SRFBP1: variants seen among roughly 807,000 people sequenced by gnomAD.
SRFBP1 encodes the protein serum response factor binding protein 1.
Under a neutral mutation model 45.5 loss-of-function variants are expected in SRFBP1, and 47 were observed. The ratio of observed to expected loss-of-function variants is 1.03; its 90% CI spans 0.82 to 1.32. The LOEUF is 1.32. SRFBP1 is among the 40% of genes most tolerant of loss of function. The probability of loss-of-function intolerance (pLI) is 0.00; values close to 1 mark genes in which losing one functional copy is unlikely to be tolerated. For synonymous variants in SRFBP1, 203 were observed against 166.3 expected (o/e 1.22, Z -1.70); for missense variants, 621 against 484.6 (o/e 1.28, Z -2.64).
intron 4 of SRFBP1, among the ~76,000 whole-genome samples, chr5:122,008,037 G>A (rs1396948456): frequency 2.0e-5 from 3 of 152,186 alleles, no homozygotes; most frequent in Non-Finnish European, 4.4e-5. Context: ...GTAGGATCCT[G>A]CCTGGTGCCA....
intron 3 of SRFBP1, among the ~76,000 whole-genome samples, chr5:121,978,896 T>TTCTGCCTGCTACCTCTTACTTC (rs1752356321): frequency 6.6e-6 from 1 of 152,224 alleles, no homozygotes; most frequent in Non-Finnish European, 1.5e-5. Flanking sequence ...TGAGACCTTG[T>TTCTGCCTGCTACCTCTTACTTC]TCTGCCTGCT....
intron 2 of SRFBP1, among the ~76,000 whole-genome samples, chr5:122,048,592 A>T (rs540565002): frequency 1.3e-5 from 2 of 151,984 alleles, no homozygotes; most frequent in Admixed American, 1.3e-4. Context: ...CTCTTTTTCT[A>T]TTGATTGGGA....
chr5:121,975,439 T>A (rs749661140), intron 3 of SRFBP1, 52 bp downstream of exon 3: 1 of 1,598,750 alleles, frequency 6.3e-7, no homozygotes, highest in East Asian at 2.2e-5. Context: ...TATCCTGTTA[T>A]CCTGCATTTT....
At position 122,027,202 on chromosome 5, in the gene SRFBP1, C is replaced by A; in HGVS notation, c.*76C>A. The stretch of plus-strand genomic sequence containing the variant: ...TTAAGACAGGATCTCATTCTGTTGC[C>A]CAGACTAGAGTACAATATTGCAATC... On this transcript the variant is annotated 3_prime_UTR_variant, in exon 8 of 8. Transcript: ENST00000339397. 8.2e-7 allele frequency: 1 copy of A among 1,221,924 alleles called. No homozygotes were observed. The highest frequency in any genetic ancestry group is 1.1e-6 in the Non-Finnish European group (1 of 875,608). The allele number at this position is 1,221,924 out of a possible 1,614,324, so 75.7% of individuals were successfully genotyped here. A position where few individuals can be genotyped will look rare whatever the true frequency, so the allele number is the denominator to read the frequency against.
At chr5:122,019,725 A>G (rs561265243) in intron 5 of SRFBP1, among the ~76,000 whole-genome samples, 66 of 151,582 alleles carry the variant, frequency 4.4e-4, no homozygotes, top group Non-Finnish European at 8.3e-4. Flanking sequence ...GTCACATGAT[A>G]CTGAATTTTA....
intron 2 of SRFBP1, among the ~76,000 whole-genome samples, chr5:122,051,718 C>T (rs779396971): frequency 1.3e-5 from 2 of 151,942 alleles, no homozygotes; most frequent in Non-Finnish European, 2.9e-5. Context: ...CTTGCCACTC[C>T]ATGCCTTTTA....
At chr5:122,057,538 G>A (rs1157164928) in intron 2 of SRFBP1, among the ~76,000 whole-genome samples, 1 of 151,030 alleles carries the variant, frequency 6.6e-6, no homozygotes, top group African/African-American at 2.4e-5. Flanking sequence ...TTTTGCCCAG[G>A]CTGGTCTCAA....
chr5:122,067,194 A>T (rs906162712), intron 2 of SRFBP1, among the ~76,000 whole-genome samples: 9 of 152,178 alleles, frequency 5.9e-5, no homozygotes, highest in African/African-American at 2.2e-4. Context: ...AAAGCTAATC[A>T]ATCAAATATT....
At chr5:121,994,500 G>A in intron 3 of SRFBP1, 99 bp from the exon 4 acceptor site, 3 of 719,206 alleles carry the variant, frequency 4.2e-6, no homozygotes, top group South Asian at 1.9e-5. Context: ...AAATTAAGAT[G>A]TTATTTAATA....
At chr5:121,987,145 C>T (rs755258918) in intron 3 of SRFBP1, among the ~76,000 whole-genome samples, 4 of 151,912 alleles carry the variant, frequency 2.6e-5, no homozygotes, top group African/African-American at 9.7e-5. Context: ...AAGTCTTGAA[C>T]GTAGGAGTAG....
chr5:121,988,525 T>C (rs568379733), intron 3 of SRFBP1, among the ~76,000 whole-genome samples: 8 of 152,338 alleles, frequency 5.3e-5, no homozygotes, highest in Admixed American at 5.2e-4. Context: ...TATGGCCACA[T>C]TCCCATCATA....
At chr5:122,004,812 T>C (rs1333681226) in intron 4 of SRFBP1, among the ~76,000 whole-genome samples, 2 of 152,188 alleles carry the variant, frequency 1.3e-5, no homozygotes, top group Non-Finnish European at 2.9e-5. Context: ...AGAACTGTTT[T>C]TGCTGTGTCC....
rs538073049 is a variant in SRFBP1 at position 122,014,360 on chromosome 5, G to T, written c.271-4900G>T. ...ATACCCTGTAGACCCAAACTTTTAT[G>T]TTCTCCTTTGACTCACTGCTGCTAC... On this transcript the variant is annotated intron_variant, in intron 4 of 7. Coordinates refer to ENST00000339397, the MANE Select transcript of SRFBP1 (RefSeq NM_152546.3). 3.7e-4 allele frequency among the ~76,000 whole-genome samples: 56 copies of T among 152,100 alleles called. 2 individuals are homozygous for T. The South Asian group carries it at 8.9e-3, about 24-fold the overall frequency.
chr5:121,964,259 A>G (rs1244308393), intron 1 of SRFBP1, among the ~76,000 whole-genome samples: 2 of 151,954 alleles, frequency 1.3e-5, no homozygotes, highest in African/African-American at 2.4e-5. Context: ...AGTTTGTTAC[A>G]TAGGTATACA....
chr5:121,967,164 A>G (rs752623225), intron 1 of SRFBP1, among the ~76,000 whole-genome samples: 4 of 152,150 alleles, frequency 2.6e-5, no homozygotes, highest in Non-Finnish European at 5.9e-5. Flanking sequence ...GTAAGACAGT[A>G]AAGGTAGAAA....
intron 2 of SRFBP1, among the ~76,000 whole-genome samples, chr5:122,049,193 A>C (rs1561408555): frequency 6.6e-6 from 1 of 152,170 alleles, no homozygotes; most frequent in Non-Finnish European, 1.5e-5. Flanking sequence ...CTACCAAGCA[A>C]ATGGAAGACA....
intron 3 of SRFBP1, among the ~76,000 whole-genome samples, chr5:121,986,032 A>G (rs1752511515): frequency 6.6e-6 from 1 of 151,958 alleles, no homozygotes; most frequent in Non-Finnish European, 1.5e-5. Context: ...TAAAATAATG[A>G]AACTGGATGA....
downstream of SRFBP1, chr5:122,075,967 T>TA (rs1207485656): frequency 1.3e-5 from 2 of 152,448 alleles, no homozygotes; most frequent in African/African-American, 2.4e-5. Flanking sequence ...ACAAAACTTT[T>TA]AAAAAAGTTA....
intron 1 of SRFBP1, among the ~76,000 whole-genome samples, chr5:121,970,928 G>A (rs1289976425): frequency 2.6e-5 from 4 of 152,014 alleles, no homozygotes; most frequent in Non-Finnish European, 5.9e-5. Context: ...AGGTACTTGT[G>A]ACCCTCTCAG....
Sources: allele counts gnomAD v4.1 joint callset (sites outside exome capture counted in the v4.1 genomes callset), GRCh38; gene constraint gnomAD v4.1.1; transcripts MANE v1.5; gene names NCBI Gene and HGNC (gene_info 2026-07-23, HGNC 2026-07-21).